Variants in FNIP2 observed in about 807,000 individuals in gnomAD.
The protein encoded by FNIP2 is folliculin-interacting protein 2.
A neutral mutation model predicts 108.7 loss-of-function variants in FNIP2; 32 were observed. That is an observed-to-expected ratio of 0.29 (90% CI 0.22 to 0.40). FNIP2 has a LOEUF of 0.40. Among genes scored for constraint, FNIP2 ranks in the 10% least tolerant of loss-of-function variants. The pLI, the probability that FNIP2 is intolerant of heterozygous loss-of-function variation, is 1.00. For synonymous variants in FNIP2, 480 were observed against 496.7 expected, an observed-to-expected ratio of 0.97 and a Z score of 0.45; for missense variants, 1,202 against 1,381.6, an observed-to-expected ratio of 0.87 and a Z score of 2.06.
Position 158,905,411 on chromosome 4 carries a change from G to C in FNIP2, c.*867G>C, listed in dbSNP as rs1370546036. 1 of 152,112 alleles carries C rather than the reference G, an allele frequency of 6.6e-6. No homozygotes were observed. The highest frequency in any genetic ancestry group is 6.6e-5 in the Admixed American group (1 of 15,264). 9.4% of individuals were successfully genotyped at this position (152,112 alleles called of 1,614,324 possible). ...TATAAGCTCAAGAGTGTTTCGGTTGGTAAGTTCTTCCAGCTGAAGCCACTT... is the reference window on the plus strand; with the variant it reads ...TATAAGCTCAAGAGTGTTTCGGTTGCTAAGTTCTTCCAGCTGAAGCCACTT... On this transcript the variant is annotated 3_prime_UTR_variant, in exon 17 of 17. Transcript: ENST00000264433.
chr4:158,789,460 G>A (rs1001778739), intron 1 of FNIP2, among the ~76,000 whole-genome samples: 20 of 152,124 alleles, frequency 1.3e-4, no homozygotes, highest in Non-Finnish European at 1.8e-4. Flanking sequence ...TTATAGGATG[G>A]CCAGGTACTC....
At chr4:158,861,805 A>G in intron 12 of FNIP2, 29 bp downstream of exon 12, 1 of 1,610,892 alleles carries the variant, frequency 6.2e-7, no homozygotes, top group South Asian at 1.1e-5. Context: ...TATTCAGAGA[A>G]TATATGGGAT....
At chr4:158,788,598 A>G (rs1052573926) in intron 1 of FNIP2, among the ~76,000 whole-genome samples, 1 of 152,236 alleles carries the variant, frequency 6.6e-6, no homozygotes, top group Non-Finnish European at 1.5e-5. Context: ...GTTGTAACAC[A>G]TGATTGCTTC....
At chr4:158,836,715 C>G (rs1425397094) in intron 7 of FNIP2, 2 of 144,624 alleles carry the variant, frequency 1.4e-5, no homozygotes, top group Non-Finnish European at 3.0e-5. Flanking sequence ...ACTCAGGAGG[C>G]TGAGGCACGA....
At chr4:158,804,193 C>T (rs1776857898) in intron 1 of FNIP2, among the ~76,000 whole-genome samples, 1 of 152,108 alleles carries the variant, frequency 6.6e-6, no homozygotes, top group African/African-American at 2.4e-5. Flanking sequence ...CCGTCCACCT[C>T]AGCCTCCCAA....
intron 10 of FNIP2, among the ~76,000 whole-genome samples, 198 bp downstream of exon 10, chr4:158,859,864 A>G (rs552877477): frequency 1.7e-4 from 26 of 152,354 alleles, no homozygotes; most frequent in Non-Finnish European, 3.1e-4. Context: ...CTATTGCTCA[A>G]CCGACAGTCC....
intron 8 of FNIP2, among the ~76,000 whole-genome samples, chr4:158,857,094 A>G (rs1780027527): frequency 6.6e-6 from 1 of 152,180 alleles, no homozygotes; most frequent in Non-Finnish European, 1.5e-5. Context: ...TGATGAGAGC[A>G]TTGGCTATTG....
At chr4:158,863,780 G>A (rs1182421462) in intron 12 of FNIP2, among the ~76,000 whole-genome samples, 5 of 151,844 alleles carry the variant, frequency 3.3e-5, no homozygotes, top group African/African-American at 1.2e-4. Context: ...AAGTTTAAAT[G>A]CCACTGTCTA....
rs1049036072 is a variant in FNIP2 at position 158,795,409 on chromosome 4, C to T, written c.107+26090C>T. ...AAATTAAAGGTGTGGTCCATGTCCT[C>T]GAAGTTCATCCTCTGGCTCAGGGAT... On this transcript the variant is annotated intron_variant, in intron 1 of 16. Coordinates refer to ENST00000264433, the MANE Select transcript of FNIP2 (RefSeq NM_020840.3). Among the ~76,000 whole-genome samples the T allele has an allele frequency of 1.8e-4, 28 of 152,332 alleles. 1 individual carries two copies. Among genetic ancestry groups the T allele is most frequent in the Middle Eastern group, 6.8e-3 (2 of 294 alleles).
At position 158,861,711 on chromosome 4, in the gene FNIP2, G is replaced by A. The variant is rs770340453; in HGVS notation, c.1400G>A (p.Arg467His). 7 of 1,613,978 alleles carry A rather than the reference G, an allele frequency of 4.3e-6. No homozygotes were observed. Among genetic ancestry groups the A allele is most frequent in the Middle Eastern group, 1.6e-4 (1 of 6,062 alleles). ...CCCATCAAAGCCTTCTCAGAGAAAC[G>A]TACCTCCCAGTCAGTGAACATGCTG... The part of the protein sequence containing the change: ...HPPIKAFSEK[R>H]TSQSVNMLAK... The change falls in exon 12 of 17, where the codon CGT becomes CAT. Residue 467 changes from arginine (R) to histidine (H), a missense_variant. Arg to His is a conservative substitution (Grantham distance 29, BLOSUM62 0). Around this residue, in one of 5 missense-constraint regions of FNIP2, gnomAD observed 878 missense variants for 990.3 expected, o/e 0.89. Transcript: ENST00000264433.
chr4:158,904,679 T>A lies in FNIP2; in HGVS notation c.*135T>A. Reference sequence around the variant, plus strand: ...ACAGTCATTCCACCTTTTTGTTTTGTGTTTTTGCTGTCAAGCTGATGCTTC... The same window carrying A: ...ACAGTCATTCCACCTTTTTGTTTTGAGTTTTTGCTGTCAAGCTGATGCTTC... On this transcript the variant is annotated 3_prime_UTR_variant, in exon 17 of 17. Coordinates refer to ENST00000264433, the MANE Select transcript of FNIP2 (RefSeq NM_020840.3). The A allele has an allele frequency of 1.3e-6, 1 of 749,890 alleles. No individual in the cohort carries two copies. Among genetic ancestry groups the A allele is most frequent in the Non-Finnish European group, 2.2e-6 (1 of 457,902 alleles). 46.5% of individuals were successfully genotyped at this position (749,890 alleles called of 1,614,324 possible).
intron 1 of FNIP2, among the ~76,000 whole-genome samples, chr4:158,805,593 A>G (rs1776919615): frequency 1.3e-5 from 2 of 152,264 alleles, no homozygotes; most frequent in South Asian, 2.1e-4. Flanking sequence ...CTTGTCATCT[A>G]TACATTAAGT....
intron 1 of FNIP2, among the ~76,000 whole-genome samples, chr4:158,775,084 T>A (rs1230897496): frequency 6.6e-6 from 1 of 152,220 alleles, no homozygotes; most frequent in Non-Finnish European, 1.5e-5. Flanking sequence ...TGCCGTTGTG[T>A]TTCCTTGGAA....
chr4:158,775,045 C>T (rs1775814643), intron 1 of FNIP2, among the ~76,000 whole-genome samples: 1 of 152,040 alleles, frequency 6.6e-6, no homozygotes, highest in Non-Finnish European at 1.5e-5. Flanking sequence ...TCGTGGTTTG[C>T]CTGTAAGGTC....
chr4:158,812,524 C>G lies in FNIP2; in HGVS notation c.108-13392C>G, dbSNP rs149647739. On this transcript the variant is annotated intron_variant, in intron 1 of 16. Transcript: ENST00000264433. ...AATAATCCTGTCACAAATTTTTAAA[C>G]CAGTGCTTATTCCTGAAAGTTTCTA... is the stretch of plus-strand genomic sequence containing the variant. Among the ~76,000 whole-genome samples the G allele has an allele frequency of 3.0e-3, 452 of 152,172 alleles. 1 individual carries two copies. Among genetic ancestry groups the G allele is most frequent in the Non-Finnish European group, 5.5e-3 (373 of 68,010 alleles).
chr4:158,818,185 C>G (rs1054689172), intron 1 of FNIP2, among the ~76,000 whole-genome samples: 3 of 152,228 alleles, frequency 2.0e-5, no homozygotes, highest in Non-Finnish European at 2.9e-5. Context: ...AATGTTTTGT[C>G]ACTGCCGTGT....
chr4:158,825,813 C>T, intron 1 of FNIP2, 103 bp from the exon 2 acceptor site: 1 of 1,409,626 alleles, frequency 7.1e-7, no homozygotes, highest in Non-Finnish European at 9.8e-7. Context: ...TGCTTGTGGC[C>T]TTTTGATGTG....
intron 1 of FNIP2, among the ~76,000 whole-genome samples, chr4:158,786,656 G>A (rs1338585708): frequency 1.3e-5 from 2 of 152,034 alleles, no homozygotes; most frequent in Admixed American, 6.6e-5. Context: ...AGTTCACAGT[G>A]GTTTTTATTT....
chr4:158,870,171 T>C (rs1169436441), intron 13 of FNIP2, 142 bp from the exon 14 acceptor site: 1 of 805,918 alleles, frequency 1.2e-6, no homozygotes, highest in East Asian at 2.6e-5. Flanking sequence ...CCACCTGTGA[T>C]CCACTTACTT....
Sources: allele counts gnomAD v4.1 joint callset (sites outside exome capture counted in the v4.1 genomes callset), GRCh38; gene constraint gnomAD v4.1.1; regional missense constraint gnomAD v4.1.1; transcripts MANE v1.5; gene names NCBI Gene and HGNC (gene_info 2026-07-23, HGNC 2026-07-21).